The following MAL2 variants were observed in gnomAD, a reference collection of about 807,000 sequenced individuals.
The protein encoded by MAL2 is protein MAL2.
A neutral mutation model predicts 18.1 loss-of-function variants in MAL2; 17 were observed. The observed-to-expected ratio is 0.94, with a 90% CI of 0.64 to 1.41. The LOEUF (loss-of-function observed/expected upper bound fraction) is 1.41, where lower values mean the gene tolerates loss of function less well. MAL2 is among the 40% of genes most tolerant of loss of function. The probability of loss-of-function intolerance (pLI) is 0.00; values close to 1 mark genes in which losing one functional copy is unlikely to be tolerated. For synonymous variants in MAL2, 102 were observed against 102.3 expected (o/e 1.00, Z 0.02); for missense variants, 222 against 231.9 (o/e 0.96, Z 0.28).
chr8:119,243,867 A>C lies in MAL2; in HGVS notation c.*379A>C, dbSNP rs1217109967. On this transcript the variant is annotated 3_prime_UTR_variant, in exon 4 of 4. Transcript: ENST00000614891. ...ATTGGTAATTACAGCCCCTAAAAAA[A>C]ACACATTTCAAATAGGCTTCCCACT... The C allele has an allele frequency of 6.4e-6, 1 of 156,848 alleles. No homozygotes were observed. Among genetic ancestry groups the C allele is most frequent in the Non-Finnish European group, 1.4e-5 (1 of 71,328 alleles). The allele number at this position is 156,848 out of a possible 1,614,324, so 9.7% of individuals were successfully genotyped here.
intron 2 of MAL2, among the ~76,000 whole-genome samples, chr8:119,229,125 C>T (rs568374982): frequency 3.0e-4 from 46 of 152,226 alleles, no homozygotes; most frequent in Admixed American, 3.9e-4. Context: ...CTTTTGGCTA[C>T]GTAGCATTCT....
chr8:119,240,627 T>A (rs549132936), intron 3 of MAL2, among the ~76,000 whole-genome samples: 1 of 152,306 alleles, frequency 6.6e-6, no homozygotes, highest in Admixed American at 6.5e-5. Flanking sequence ...TTGCTTCTGA[T>A]AACTTTCAGA....
At chr8:119,241,890 G>T (rs896434622) in intron 3 of MAL2, among the ~76,000 whole-genome samples, 3 of 152,116 alleles carry the variant, frequency 2.0e-5, no homozygotes, top group Admixed American at 2.0e-4. Flanking sequence ...TGGAGGAAGA[G>T]GGCCTTGAAT....
chr8:119,242,752 G>A (rs1818072035), intron 3 of MAL2, among the ~76,000 whole-genome samples: 1 of 152,156 alleles, frequency 6.6e-6, no homozygotes, highest in Non-Finnish European at 1.5e-5. Flanking sequence ...TTATCATGTT[G>A]AACTGCTTTT....
At chr8:119,234,707 T>C (rs1398805999) in intron 2 of MAL2, among the ~76,000 whole-genome samples, 183 of 151,792 alleles carry the variant, frequency 1.2e-3, no homozygotes, top group Middle Eastern at 3.4e-3. Context: ...ACACTCACAA[T>C]TCACACGGCA....
intron 1 of MAL2, chr8:119,221,373 G>C: frequency 1.9e-6 from 1 of 540,354 alleles, no homozygotes; most frequent in Non-Finnish European, 3.3e-6. Context: ...TGTGGAGTTG[G>C]ATCAGTTCTC....
rs1435209947 is a variant in MAL2 at position 119,244,649 on chromosome 8, A to ATAGAG, written c.*1164_*1168dup. ...TTGCATTACTTTGAGTTAAATTTGA[A>ATAGAG]TAGAGTATTAAATATAAAGTTGTAG... is the stretch of plus-strand genomic sequence containing the variant. On this transcript the variant is annotated 3_prime_UTR_variant, in exon 4 of 4. Transcript: ENST00000614891. The ATAGAG allele has an allele frequency of 2.0e-5, 3 of 152,150 alleles. No individual in the cohort carries two copies. Among genetic ancestry groups the ATAGAG allele is most frequent in the Non-Finnish European group, 4.4e-5 (3 of 68,020 alleles). 9.4% of individuals were successfully genotyped at this position (152,150 alleles called of 1,614,324 possible).
intron 1 of MAL2, among the ~76,000 whole-genome samples, chr8:119,210,588 A>G (rs1271217895): frequency 6.6e-6 from 1 of 152,172 alleles, no homozygotes; most frequent in African/African-American, 2.4e-5. Context: ...GGTGATTCTA[A>G]TATTCAGAGC....
chr8:119,227,579 C>T (rs1050576030), intron 2 of MAL2, among the ~76,000 whole-genome samples: 1 of 152,124 alleles, frequency 6.6e-6, no homozygotes, highest in Non-Finnish European at 1.5e-5. Context: ...TGTAGCAGAT[C>T]GCAAATCCAC....
At chr8:119,222,679 A>G (rs1201438801) in intron 2 of MAL2, among the ~76,000 whole-genome samples, 3 of 151,634 alleles carry the variant, frequency 2.0e-5, no homozygotes, top group Non-Finnish European at 4.4e-5. Context: ...ACTACAAAAA[A>G]TATCTGGACA....
rs371289573 is a variant in MAL2, at chr8:119,230,445, G to T, written c.303+8688G>T. ...GAAGCAAAATTGGCAGGATTGGGGG[G>T]GCGGGAAGGGGCAAGCAGTAATTGC... On this transcript the variant is annotated intron_variant, in intron 2 of 3. Transcript: ENST00000614891. 2.4e-3 allele frequency among the ~76,000 whole-genome samples: 359 copies of T among 152,214 alleles called. 5 individuals carry two copies. The highest frequency in any genetic ancestry group is 8.3e-3 in the African/African-American group (344 of 41,540).
At chr8:119,241,091 A>G (rs1007324193) in intron 3 of MAL2, among the ~76,000 whole-genome samples, 1 of 152,194 alleles carries the variant, frequency 6.6e-6, no homozygotes, top group Non-Finnish European at 1.5e-5. Flanking sequence ...CAGGTAGCCT[A>G]TAAATAACCC....
Position 119,237,738 on chromosome 8 carries a change from ACC to A in MAL2, c.304-2425_304-2424del, listed in dbSNP as rs887227155. ...AAAAAGCCTTTGACAAAATTCAACA[ACC>A]CTTCATGCTAAAAACTCTCAAGAAA... On this transcript the variant is annotated intron_variant, in intron 2 of 3. Coordinates refer to ENST00000614891, the MANE Select transcript of MAL2 (RefSeq NM_052886.3). 2.0e-5 allele frequency among the ~76,000 whole-genome samples: 3 copies of A among 151,692 alleles called. 1 individual carries two copies. The highest frequency in any genetic ancestry group is 4.9e-5 in the African/African-American group (2 of 40,974).
intron 1 of MAL2, among the ~76,000 whole-genome samples, chr8:119,220,622 G>A (rs41319147): frequency 0.092 from 14,012 of 152,068 alleles, 1,934 homozygotes; most frequent in African/African-American, 0.3. Context: ...AGTTCTCTCC[G>A]TTCCCCACCA....
At chr8:119,231,667 G>A (rs1288279813) in intron 2 of MAL2, among the ~76,000 whole-genome samples, 4 of 152,212 alleles carry the variant, frequency 2.6e-5, no homozygotes, top group Non-Finnish European at 4.4e-5. Context: ...TATTCAAAAC[G>A]CCAAGACATG....
At chr8:119,234,038 T>C (rs1294840284) in intron 2 of MAL2, among the ~76,000 whole-genome samples, 3 of 152,036 alleles carry the variant, frequency 2.0e-5, no homozygotes, top group Non-Finnish European at 4.4e-5. Context: ...TGCATTTCCA[T>C]CTGAGGTACC....
intron 2 of MAL2, among the ~76,000 whole-genome samples, chr8:119,231,234 G>T (rs1490941464): frequency 1.3e-5 from 2 of 152,078 alleles, no homozygotes; most frequent in East Asian, 1.9e-4. Context: ...GGGTTTCACT[G>T]TGTTAGCCAG....
At chr8:119,241,962 G>T (rs2129928255) in intron 3 of MAL2, among the ~76,000 whole-genome samples, 1 of 152,204 alleles carries the variant, frequency 6.6e-6, no homozygotes, top group East Asian at 1.9e-4. Flanking sequence ...GAGGATGATA[G>T]AATCCTTGTG....
intron 2 of MAL2, among the ~76,000 whole-genome samples, chr8:119,230,095 C>T (rs1449948963): frequency 6.6e-6 from 1 of 152,170 alleles, no homozygotes; most frequent in Non-Finnish European, 1.5e-5. Flanking sequence ...TCAAGTGTTT[C>T]TTCTCTACCA....
Sources: gnomAD v4.1 joint callset for allele counts (sites outside exome capture counted in the v4.1 genomes callset) on GRCh38, gnomAD v4.1.1 for gene constraint, MANE v1.5 for transcripts, NCBI Gene and HGNC (gene_info 2026-07-23, HGNC 2026-07-21) for gene names.